The following SPTBN1 variants were observed in gnomAD, a reference collection of about 807,000 sequenced individuals.
SPTBN1 encodes the protein spectrin beta chain, non-erythrocytic 1.
In SPTBN1, 32 loss-of-function variants were observed where a neutral mutation model predicts 266.4. The ratio of observed to expected loss-of-function variants is 0.12; its 90% CI spans 0.09 to 0.16. The LOEUF (loss-of-function observed/expected upper bound fraction) is 0.16. SPTBN1 is among the 10% of genes least tolerant of loss of function. The pLI is 1.00. For synonymous variants in SPTBN1, 1,336 were observed against 1,162.2 expected (o/e 1.15, Z -3.04); for missense variants, 2,296 against 3,067.1 (o/e 0.75, Z 5.94).
chr2:54,581,458 G>A (rs993489404), intron 2 of SPTBN1, among the ~76,000 whole-genome samples: 13 of 152,202 alleles, frequency 8.5e-5, no homozygotes, highest in Admixed American at 7.8e-4. Flanking sequence ...GCTTTCCAGG[G>A]AATCATGGCT....
chr2:54,555,509 T>C (rs1318989795), intron 2 of SPTBN1, among the ~76,000 whole-genome samples: 1 of 152,230 alleles, frequency 6.6e-6, no homozygotes, highest in Non-Finnish European at 1.5e-5. Context: ...TTCATTTGAT[T>C]GCTCCTTTGA....
At chr2:54,494,299 C>A (rs891954219) in intron 1 of SPTBN1, among the ~76,000 whole-genome samples, 1 of 152,278 alleles carries the variant, frequency 6.6e-6, no homozygotes, top group African/African-American at 2.4e-5. Flanking sequence ...TCCTTGTCTG[C>A]TCATTGTTTT....
At position 54,655,207 on chromosome 2, in the gene SPTBN1, A is replaced by T. The variant is rs1680569316; in HGVS notation, c.5960A>T (p.Glu1987Val). The T allele has an allele frequency of 6.2e-7, 1 of 1,611,248 alleles. No individual in the cohort carries two copies. Among genetic ancestry groups the T allele is most frequent in the African/African-American group, 1.3e-5 (1 of 74,852 alleles). Residue 1987 changes from glutamate (E) to valine (V), a missense_variant and splice_region_variant, in exon 28 of 36, where the codon GAG becomes GTG. By Grantham distance (121) the Glu-to-Val change is moderately radical. Around this residue, in one of 12 missense-constraint regions of SPTBN1, gnomAD observed 644 missense variants for 745.3 expected, o/e 0.86. Coordinates refer to ENST00000356805, the MANE Select transcript of SPTBN1 (RefSeq NM_003128.3). ...LLARKHYASE[E>V]IKEKLLQLTE... ...GCGAGAAAACACTATGCATCTGAGG[A>T]GGTAGGTTGCTACTTTGCTTTGGAG...
intron 1 of SPTBN1, among the ~76,000 whole-genome samples, chr2:54,522,701 A>AAG (rs1196501016): frequency 9.4e-4 from 66 of 70,130 alleles, no homozygotes; most frequent in South Asian, 5.5e-3. Flanking sequence ...GAGAGAGAGA[A>AAG]AGAAAGAAAG....
chr2:54,610,717 T>C (rs1490931338), intron 3 of SPTBN1, among the ~76,000 whole-genome samples: 1 of 152,252 alleles, frequency 6.6e-6, no homozygotes, highest in African/African-American at 2.4e-5. Context: ...TAGACCTCAA[T>C]CTACAATACA....
Position 54,644,650 on chromosome 2 carries a change from C to CT in SPTBN1, c.4269+68dup, listed in dbSNP as rs1177482222. 2.6e-5 allele frequency: 40 copies of CT among 1,524,776 alleles called. No homozygotes were observed. In the East Asian group the frequency reaches 8.7e-4, roughly 33 times the overall value. The allele number at this position is 1,524,776 out of a possible 1,614,324, so 94.5% of individuals were successfully genotyped here. A position where few individuals can be genotyped will look rare whatever the true frequency, so the allele number is the denominator to read the frequency against. ...GTTTTACAGCCATAGTCCTTAGAGT[C>CT]TTTTCTCACCCACTGCATTATCAGG... On this transcript the variant is annotated intron_variant, in intron 20 of 35. Coordinates refer to ENST00000356805, the MANE Select transcript of SPTBN1 (RefSeq NM_003128.3).
chr2:54,535,535 A>G (rs1671547253), intron 2 of SPTBN1, among the ~76,000 whole-genome samples: 1 of 152,220 alleles, frequency 6.6e-6, no homozygotes, highest in African/African-American at 2.4e-5. Flanking sequence ...TCACTTAACA[A>G]AACTTTTTCA....
In SPTBN1 at chr2:54,469,186, T is replaced by A. The variant is rs550054758; in HGVS notation, c.-48+12668T>A. On this transcript the variant is annotated intron_variant, in intron 1 of 35. Transcript: ENST00000356805. ...GTTGCCTTTAACTCTAGTATTCGGC[T>A]TCTTTCTGAGGAAGGTGCCAAAACG... Among the ~76,000 whole-genome samples the A allele has an allele frequency of 8.5e-5, 13 of 152,314 alleles. No homozygotes were observed. In the East Asian group the frequency reaches 2.3e-3, roughly 27 times the overall value.
At chr2:54,517,739 G>A (rs1388378925) in intron 1 of SPTBN1, among the ~76,000 whole-genome samples, 1 of 151,126 alleles carries the variant, frequency 6.6e-6, no homozygotes, top group African/African-American at 2.4e-5. Context: ...TCCATCACCC[G>A]GGTTCAAGCA....
At chr2:54,565,203 T>G (rs2104493000) in intron 2 of SPTBN1, among the ~76,000 whole-genome samples, 1 of 152,296 alleles carries the variant, frequency 6.6e-6, no homozygotes, top group East Asian at 1.9e-4. Flanking sequence ...ATTGGATCAT[T>G]TGTACAATCT....
rs770827219 is a variant in SPTBN1, at chr2:54,653,867, C to G, written c.5822+14C>G. On this transcript the variant is annotated intron_variant, in intron 27 of 35. Coordinates refer to ENST00000356805, the MANE Select transcript of SPTBN1 (RefSeq NM_003128.3). The surrounding 1 kb of genome is among the most constrained non-coding windows in gnomAD (Gnocchi z 5.1). ...GGAGAAGCCAAGGTAACGCTTTCAG[C>G]CCAAAGGAAATTGGACTTATTGGCG... 41 of 1,601,524 alleles carry G rather than the reference C, an allele frequency of 2.6e-5. No individual in the cohort carries two copies. The highest frequency in any genetic ancestry group is 3.2e-5 in the Non-Finnish European group (38 of 1,177,056).
chr2:54,472,610 CAG>C (rs145919728), intron 1 of SPTBN1, among the ~76,000 whole-genome samples: 2,082 of 151,892 alleles, frequency 0.014, 45 homozygotes, highest in African/African-American at 0.047. Flanking sequence ...GTGGTAAAAA[CAG>C]GGGGGGTTGG....
At chr2:54,667,736 A>C (rs773540605) in intron 35 of SPTBN1, 90 bp downstream of exon 35, 33 of 1,198,154 alleles carry the variant, frequency 2.8e-5, no homozygotes, top group Non-Finnish European at 3.8e-5. Flanking sequence ...TTCTTCATGT[A>C]AATGATGATC....
intron 2 of SPTBN1, among the ~76,000 whole-genome samples, chr2:54,571,413 G>A (rs1024184573): frequency 1.3e-5 from 2 of 152,080 alleles, no homozygotes; most frequent in African/African-American, 2.4e-5. Flanking sequence ...CGAGTTCACC[G>A]TTTGCCAGGG....
chr2:54,552,024 TAA>T (rs902101750), intron 2 of SPTBN1, among the ~76,000 whole-genome samples: 3 of 152,114 alleles, frequency 2.0e-5, no homozygotes, highest in African/African-American at 7.2e-5. Flanking sequence ...TGGGCTGAGT[TAA>T]AGAGAAGGGA....
intron 2 of SPTBN1, among the ~76,000 whole-genome samples, chr2:54,559,898 T>C (rs190103335): frequency 1.1e-4 from 16 of 152,242 alleles, no homozygotes; most frequent in South Asian, 6.2e-4. Flanking sequence ...ATGTTTTTCA[T>C]TGGGAAGAGG....
intron 3 of SPTBN1, among the ~76,000 whole-genome samples, chr2:54,604,784 GAAAA>G (rs1192996779): frequency 6.6e-6 from 1 of 152,046 alleles, no homozygotes; most frequent in Non-Finnish European, 1.5e-5. Context: ...AAGTGCCTGT[GAAAA>G]AAACACAGGA....
At chr2:54,661,943 G>C in intron 32 of SPTBN1, 3 of 985,306 alleles carry the variant, frequency 3.0e-6, no homozygotes, top group South Asian at 9.4e-5. Context: ...ATTACAATTG[G>C]CTTGTATGAG....
At chr2:54,468,339 A>T (rs1693745354) in intron 1 of SPTBN1, among the ~76,000 whole-genome samples, 1 of 151,872 alleles carries the variant, frequency 6.6e-6, no homozygotes, top group African/African-American at 2.4e-5. Flanking sequence ...AAAAAATAAA[A>T]AAATAAAAAA....
Sources: gnomAD v4.1 joint callset for allele counts (sites outside exome capture counted in the v4.1 genomes callset) on GRCh38, gnomAD v4.1.1 for gene constraint, gnomAD v4.1.1 regional missense constraint, Gnocchi (gnomAD v3.1) non-coding constraint, MANE v1.5 for transcripts, NCBI Gene and HGNC (gene_info 2026-07-23, HGNC 2026-07-21) for gene names.